CCSER1: variants seen among roughly 807,000 people sequenced by gnomAD.
CCSER1 encodes the protein coiled-coil serine rich protein 1.
Under a neutral mutation model 82.0 loss-of-function variants are expected in CCSER1, and 41 were observed. The observed-to-expected ratio is 0.50, with a 90% CI of 0.39 to 0.65. The LOEUF (loss-of-function observed/expected upper bound fraction) is 0.65, where lower values mean the gene tolerates loss of function less well. Ranked by LOEUF, CCSER1 falls within the 30% of genes least tolerant of loss-of-function variation. The pLI, the probability that CCSER1 is intolerant of heterozygous loss-of-function variation, is 0.00. For missense variants in CCSER1, 1,119 were observed against 1,064.2 expected, an observed-to-expected ratio of 1.05 and a Z score of -0.72; for synonymous variants, 414 against 383.9, an observed-to-expected ratio of 1.08 and a Z score of -0.92.
chr4:90,409,405 A>G (rs1182780521), intron 4 of CCSER1, among the ~76,000 whole-genome samples: 2 of 152,246 alleles, frequency 1.3e-5, no homozygotes, highest in African/African-American at 4.8e-5. Context: ...CCACAAAGGG[A>G]AGCCCATCAG....
chr4:90,863,412 A>C (rs1043410643), intron 8 of CCSER1, among the ~76,000 whole-genome samples: 4 of 151,926 alleles, frequency 2.6e-5, no homozygotes, highest in African/African-American at 9.7e-5. Flanking sequence ...GTTCAATAAC[A>C]ATTTTCTTTT....
intron 6 of CCSER1, among the ~76,000 whole-genome samples, chr4:90,662,709 TA>T (rs1196787943): frequency 6.6e-6 from 1 of 152,136 alleles, no homozygotes; most frequent in East Asian, 1.9e-4. Context: ...TATAAATAAT[TA>T]AAACCTATTT....
At chr4:90,478,731 C>CTTTTTTTTTTTTTTTTTTTTTTTTT (rs59376887) in intron 5 of CCSER1, among the ~76,000 whole-genome samples, 1 of 133,252 alleles carries the variant, frequency 7.5e-6, no homozygotes, top group African/African-American at 2.7e-5. Flanking sequence ...TTCTTTCTTT[C>CTTTTTTTTTTTTTTTTTTTTTTTTT]TTTTTTTTTT....
intron 5 of CCSER1, among the ~76,000 whole-genome samples, chr4:90,616,738 C>CACATA (rs1387107494): frequency 3.5e-5 from 2 of 57,764 alleles, no homozygotes; most frequent in African/African-American, 1.7e-4. Flanking sequence ...CACACACACA[C>CACATA]AAATAAAATA....
At chr4:91,544,804 G>C (rs1162388480) in intron 10 of CCSER1, among the ~76,000 whole-genome samples, 1 of 152,182 alleles carries the variant, frequency 6.6e-6, no homozygotes, top group Admixed American at 6.5e-5. Flanking sequence ...ATCAAAGTCT[G>C]TGCTGGGAGA....
chr4:90,304,022 A>T (rs1348014685), intron 1 of CCSER1, among the ~76,000 whole-genome samples: 1 of 152,160 alleles, frequency 6.6e-6, no homozygotes, highest in Non-Finnish European at 1.5e-5. Flanking sequence ...GAAGACATTT[A>T]TGCAGCCAAA....
chr4:90,578,472 G>T (rs1781018232), intron 5 of CCSER1, among the ~76,000 whole-genome samples: 1 of 151,970 alleles, frequency 6.6e-6, no homozygotes, highest in East Asian at 1.9e-4. Context: ...CCTACCTTTT[G>T]CCTATTCTCT....
In CCSER1 at chr4:90,563,418, T is replaced by G. The variant is rs534377809; in HGVS notation, c.1725-64607T>G. On this transcript the variant is annotated intron_variant, in intron 5 of 10. Transcript: ENST00000509176. ...CACCATTGCGCCCTGCCCCAAATTTTATATCTTTTGACCAACGTCTTCTCC... is the reference window on the plus strand; with the variant it reads ...CACCATTGCGCCCTGCCCCAAATTTGATATCTTTTGACCAACGTCTTCTCC... 2.0e-5 allele frequency among the ~76,000 whole-genome samples: 3 copies of G among 152,260 alleles called. No individual in the cohort carries two copies. In the East Asian group the frequency reaches 5.8e-4, roughly 29 times the overall value.
At position 90,386,468 on chromosome 4, in the gene CCSER1, C is replaced by T. The variant is rs551119131; in HGVS notation, c.1510-13568C>T. Among the ~76,000 whole-genome samples the T allele has an allele frequency of 1.6e-4, 24 of 152,166 alleles. 1 individual carries two copies. Among genetic ancestry groups the T allele is most frequent in the Admixed American group, 1.4e-3 (21 of 15,274 alleles). On this transcript the variant is annotated intron_variant, in intron 3 of 10. Coordinates refer to ENST00000509176, the MANE Select transcript of CCSER1 (RefSeq NM_001145065.2). Reference sequence around the variant, plus strand: ...CACATGTAGAAGAATGAAACTGGATCCCTATCACTCACTATACAGAAATTA... The same window carrying T: ...CACATGTAGAAGAATGAAACTGGATTCCTATCACTCACTATACAGAAATTA...
At chr4:91,254,617 G>T (rs540349579) in intron 10 of CCSER1, among the ~76,000 whole-genome samples, 1 of 152,032 alleles carries the variant, frequency 6.6e-6, no homozygotes, top group Non-Finnish European at 1.5e-5. Context: ...GAGTTGGATG[G>T]GGGCAATAGT....
intron 8 of CCSER1, among the ~76,000 whole-genome samples, chr4:90,905,029 T>TC: frequency 6.6e-6 from 1 of 152,200 alleles, no homozygotes; most frequent in East Asian, 1.9e-4. Flanking sequence ...TCTTTACTGT[T>TC]CCCTTTTGCT....
intron 10 of CCSER1, among the ~76,000 whole-genome samples, chr4:91,297,160 A>G (rs188299310): frequency 4.4e-4 from 67 of 151,956 alleles, no homozygotes; most frequent in African/African-American, 1.5e-3. Flanking sequence ...TAAAGAGTGT[A>G]TATCCTCTGA....
intron 4 of CCSER1, among the ~76,000 whole-genome samples, chr4:90,452,708 C>CAGG (rs1399535243): frequency 3.2e-4 from 49 of 152,278 alleles, no homozygotes; most frequent in Non-Finnish European, 6.3e-4. Context: ...GGTCAAAGGC[C>CAGG]CTTTTAGCCT....
chr4:90,350,187 G>A (rs761637989), intron 3 of CCSER1, among the ~76,000 whole-genome samples: 1 of 152,058 alleles, frequency 6.6e-6, no homozygotes, highest in Non-Finnish European at 1.5e-5. Flanking sequence ...AAGGTAGAGG[G>A]ACTGAAGAAA....
At chr4:90,493,057 A>G (rs911863236) in intron 5 of CCSER1, among the ~76,000 whole-genome samples, 12 of 152,200 alleles carry the variant, frequency 7.9e-5, no homozygotes, top group Non-Finnish European at 1.8e-4. Flanking sequence ...ACCACTGTAG[A>G]GAAGTCCTTA....
chr4:90,515,160 A>C (rs1159453689), intron 5 of CCSER1, among the ~76,000 whole-genome samples: 1 of 152,196 alleles, frequency 6.6e-6, no homozygotes. Context: ...CCGGCCACAT[A>C]GTTAATTTCC....
chr4:91,295,408 CAGTT>C (rs1343804735), intron 10 of CCSER1, among the ~76,000 whole-genome samples: 3 of 151,748 alleles, frequency 2.0e-5, no homozygotes, highest in Non-Finnish European at 4.4e-5. Context: ...ATTTTTACTA[CAGTT>C]AGTCTCCAAA....
chr4:91,135,768 T>C (rs1172221075), intron 10 of CCSER1, among the ~76,000 whole-genome samples: 3 of 152,268 alleles, frequency 2.0e-5, no homozygotes, highest in East Asian at 3.9e-4. Flanking sequence ...GGCTAAGATA[T>C]TCACAAGTAG....
At chr4:90,855,073 A>G (rs1208582042) in intron 8 of CCSER1, among the ~76,000 whole-genome samples, 3 of 152,150 alleles carry the variant, frequency 2.0e-5, no homozygotes, top group East Asian at 1.9e-4. Context: ...ACTCACGAGA[A>G]CAGCAAGAGG....
Sources: allele counts gnomAD v4.1 joint callset (sites outside exome capture counted in the v4.1 genomes callset), GRCh38; gene constraint gnomAD v4.1.1; transcripts MANE v1.5; gene names NCBI Gene and HGNC (gene_info 2026-07-23, HGNC 2026-07-21).